Variants in HYI observed in about 807,000 individuals in gnomAD.
HYI encodes the protein putative hydroxypyruvate isomerase.
HYI carries 47 observed loss-of-function variants against 39.7 expected under a neutral mutation model. That is an observed-to-expected ratio of 1.18 (90% confidence interval 0.94 to 1.51). The LOEUF (loss-of-function observed/expected upper bound fraction) is 1.51. HYI is among the 40% of genes most tolerant of loss of function. The pLI is 0.00. For synonymous variants in HYI, 186 were observed against 158.8 expected (o/e 1.17, Z -1.29); for missense variants, 465 against 370.3 (o/e 1.26, Z -2.10).
chr1:43,452,345 T>G, intron 2 of HYI, 26 bp from the exon 3 acceptor site: 1 of 1,544,910 alleles, frequency 6.5e-7, no homozygotes, highest in South Asian at 1.1e-5. Context: ...ACTGGAGGCC[T>G]TGCCTCCCTT....
Position 43,453,926 on chromosome 1 carries a change from G to A in HYI, c.-133C>T, listed in dbSNP as rs928593677. 8.3e-7 allele frequency: 1 copy of A among 1,206,208 alleles called. No individual in the cohort carries two copies. The highest frequency in any genetic ancestry group is 1.0e-6 in the Non-Finnish European group (1 of 971,772). 74.7% of individuals were successfully genotyped at this position (1,206,208 alleles called of 1,614,324 possible). ...ACGAGCACTGTTCGTGGTTAGAAAAGCGAAGTGCTGTAAAAACCCGGGCCT... is the reference window on the plus strand; with the variant it reads ...ACGAGCACTGTTCGTGGTTAGAAAAACGAAGTGCTGTAAAAACCCGGGCCT... On this transcript the variant is annotated 5_prime_UTR_variant, in exon 1 of 8. Transcript: ENST00000372430.
Position 43,453,456 on chromosome 1 carries a change from C to T in HYI, c.241G>A (p.Gly81Arg). ...CCCTCTCGGAAGGCCGCCTGTCTCCCGGGGACGGCCCCCAGCCCCATTTCC... is the reference window on the plus strand; with the variant it reads ...CCCTCTCGGAAGGCCGCCTGTCTCCTGGGGACGGCCCCCAGCCCCATTTCC... ...KGEMGLGAVP[G>R]RQAAFREGLE... The change falls in exon 2 of 8, where the codon GGG becomes AGG. Residue 81 changes from glycine (G) to arginine (R), a missense_variant. Gly to Arg is a moderately radical substitution (Grantham distance 125). Coordinates refer to ENST00000372430, the MANE Select transcript of HYI (RefSeq NM_001190880.3). The T allele has an allele frequency of 1.3e-6, 2 of 1,563,658 alleles. No individual in the cohort carries two copies. The highest frequency in any genetic ancestry group is 1.7e-6 in the Non-Finnish European group (2 of 1,153,022).
At position 43,453,821 on chromosome 1, in the gene HYI, C is replaced by T; in HGVS notation, c.-28G>A. 8.1e-7 allele frequency: 1 copy of T among 1,236,380 alleles called. No individual in the cohort carries two copies. Among genetic ancestry groups the T allele is most frequent in the South Asian group, 3.6e-5 (1 of 27,894 alleles). The allele number at this position is 1,236,380 out of a possible 1,614,324, so 76.6% of individuals were successfully genotyped here. A position where few individuals can be genotyped will look rare whatever the true frequency, so the allele number is the denominator to read the frequency against. On this transcript the variant is annotated 5_prime_UTR_variant, in exon 1 of 8. Coordinates refer to ENST00000372430, the MANE Select transcript of HYI (RefSeq NM_001190880.3). ...CTGGGGAGGCCGGGCCGGGCGGAGT[C>T]CGCGGGATCCAAAGGCGGCGGGCGG...
In HYI at chr1:43,453,691, C is replaced by T; in HGVS notation, c.103G>A (p.Val35Ile). Reference protein sequence around the residue: ...RAAGSSGFEAVEVAWPYAETP... With the variant: ...RAAGSSGFEAIEVAWPYAETP... ...TCCGCGTACGGCCAGGCCACCTCGA[C>T]GGCCTCGAAGCCCGAGCTGCCCGCG... Residue 35 changes from valine to isoleucine, a missense_variant, in exon 1 of 8, where the codon GTC becomes ATC. Val to Ile is a conservative substitution (Grantham distance 29, BLOSUM62 3). Coordinates refer to ENST00000372430, the MANE Select transcript of HYI (RefSeq NM_001190880.3). 2 of 1,452,388 alleles carry T rather than the reference C, an allele frequency of 1.4e-6. No individual in the cohort carries two copies. The highest frequency in any genetic ancestry group is 2.7e-5 in the South Asian group (2 of 73,486). The allele number at this position is 1,452,388 out of a possible 1,614,324, so 90.0% of individuals were successfully genotyped here.
At chr1:43,452,664 G>A (rs1175480551) in intron 2 of HYI, 4 of 601,632 alleles carry the variant, frequency 6.6e-6, no homozygotes, top group Middle Eastern at 4.4e-4. Flanking sequence ...CCATGCTGCT[G>A]TCTCTACTTC....
chr1:43,451,828 C>T lies in HYI; in HGVS notation c.525G>A (p.Lys175=), dbSNP rs1443094341. Residue 175 remains lysine, a synonymous_variant, in exon 5 of 8, where the codon AAG becomes AAA. Coordinates refer to ENST00000372430, the MANE Select transcript of HYI (RefSeq NM_001190880.3). ...GTAATTGGAGGTTGGGTCTTCCTAC[C>T]TTCTGTAAGATGGCTGCCGCTGTAA... The part of the protein sequence containing the change: ...TPQQAAAILQ[K]VGRPNLQLQM... 5 of 1,613,924 alleles carry T rather than the reference C, an allele frequency of 3.1e-6. No homozygotes were observed. The East Asian group carries it at 6.7e-5, about 22-fold the overall frequency.
In HYI at chr1:43,453,755, T is replaced by C. The variant is rs764937328; in HGVS notation, c.39A>G (p.Leu13=). The change falls in exon 1 of 8, where the codon CTA becomes CTG. Residue 13 remains leucine (L), a synonymous_variant. Transcript: ENST00000372430. The part of the protein sequence containing the change: ...PLRFSANLSW[L]FPELSGLPAR... ...CGGGGAGGCCGGAGAGCTCGGGGAA[T>C]AGCCAGGACAGATTGGCGGAGAAGC... 98 of 1,320,626 alleles carry C rather than the reference T, an allele frequency of 7.4e-5. No homozygotes were observed. The highest frequency in any genetic ancestry group is 9.4e-5 in the Non-Finnish European group (98 of 1,041,362). 81.8% of individuals were successfully genotyped at this position (1,320,626 alleles called of 1,614,324 possible). A position where few individuals can be genotyped will look rare whatever the true frequency, so the allele number is the denominator to read the frequency against.
At chr1:43,452,153 T>G in intron 3 of HYI, 52 bp downstream of exon 3, 1 of 1,531,564 alleles carries the variant, frequency 6.5e-7, no homozygotes, top group Non-Finnish European at 9.0e-7. Context: ...CACCCCCTTC[T>G]CCGCACACCC....
Position 43,451,559 on chromosome 1 carries a change from G to A in HYI, c.626-15C>T, listed in dbSNP as rs1463632781. On this transcript the variant is annotated splice_polypyrimidine_tract_variant and intron_variant, in intron 6 of 7. Coordinates refer to ENST00000372430, the MANE Select transcript of HYI (RefSeq NM_001190880.3). Reference sequence around the variant, plus strand: ...CTGCACATGCCCTGGGGACAGATGTGGACAAATGTGGGGTCCAGGCTCCTG... The same window carrying A: ...CTGCACATGCCCTGGGGACAGATGTAGACAAATGTGGGGTCCAGGCTCCTG... The A allele has an allele frequency of 6.2e-7, 1 of 1,613,394 alleles. No individual in the cohort carries two copies.
Position 43,451,052 on chromosome 1 carries a change from C to G in HYI, c.*186G>C, listed in dbSNP as rs768227541. The G allele has an allele frequency of 1.3e-6, 1 of 791,420 alleles. No homozygotes were observed. Among genetic ancestry groups the G allele is most frequent in the Admixed American group, 1.7e-5 (1 of 58,560 alleles). 49.0% of individuals were successfully genotyped at this position (791,420 alleles called of 1,614,324 possible). ...GTGGGTTCAGAAGCTCTCCCATCTT[C>G]ACAGCAACCCTGGCACTGGCTTCTC... On this transcript the variant is annotated 3_prime_UTR_variant, in exon 8 of 8. Transcript: ENST00000372430.
Position 43,453,372 on chromosome 1 carries a change from G to C in HYI, c.311+14C>G. The stretch of plus-strand genomic sequence containing the variant: ...CATGGGTCACAGGGGTGGGGGTGGG[G>C]TGGAGCGGGGTACCTGGGACAGCCC... On this transcript the variant is annotated intron_variant, in intron 2 of 7. Coordinates refer to ENST00000372430, the MANE Select transcript of HYI (RefSeq NM_001190880.3). 6.6e-6 allele frequency: 10 copies of C among 1,512,606 alleles called. No homozygotes were observed. The highest frequency in any genetic ancestry group is 9.0e-6 in the Non-Finnish European group (10 of 1,114,908). 93.7% of individuals were successfully genotyped at this position (1,512,606 alleles called of 1,614,324 possible).
chr1:43,450,704 G>A (rs1313306056), downstream of HYI: 22 of 732,340 alleles, frequency 3.0e-5, no homozygotes, highest in East Asian at 2.5e-4. This position sits in a 1 kb window ranked among gnomAD's most constrained non-coding sequence, Gnocchi z 4.3. Context: ...CAGGACTCCA[G>A]AGAGTCAGGT....
Position 43,453,686 on chromosome 1 carries a change from C to T in HYI, c.108G>A (p.Glu36=), listed in dbSNP as rs1656716726. The part of the protein sequence containing the change: ...AAGSSGFEAV[E]VAWPYAETPE... ...GCGTCTCCGCGTACGGCCAGGCCAC[C>T]TCGACGGCCTCGAAGCCCGAGCTGC... The change falls in exon 1 of 8, where the codon GAG becomes GAA. Residue 36 remains glutamate, a synonymous_variant. Coordinates refer to ENST00000372430, the MANE Select transcript of HYI (RefSeq NM_001190880.3). The T allele has an allele frequency of 1.4e-6, 2 of 1,453,820 alleles. No homozygotes were observed. Among genetic ancestry groups the T allele is most frequent in the Non-Finnish European group, 1.8e-6 (2 of 1,112,888 alleles). The allele number at this position is 1,453,820 out of a possible 1,614,324, so 90.1% of individuals were successfully genotyped here. A position where few individuals can be genotyped will look rare whatever the true frequency, so the allele number is the denominator to read the frequency against.
chr1:43,453,342 AGG>A lies in HYI; in HGVS notation c.311+42_311+43del, dbSNP rs1656646061. On this transcript the variant is annotated intron_variant, in intron 2 of 7. Transcript: ENST00000372430. ...GTCCTCGACTCCCTGAACCTGCATC[AGG>A]GTCATGGGTCACAGGGGTGGGGGTG... The A allele has an allele frequency of 1.3e-5, 14 of 1,047,374 alleles. No individual in the cohort carries two copies. In the African/African-American group the frequency reaches 2.8e-4, roughly 21 times the overall value. The allele number at this position is 1,047,374 out of a possible 1,614,324, so 64.9% of individuals were successfully genotyped here. A position where few individuals can be genotyped will look rare whatever the true frequency, so the allele number is the denominator to read the frequency against.
chr1:43,453,558 C>G, intron 1 of HYI, 37 bp downstream of exon 1: 1 of 1,519,486 alleles, frequency 6.6e-7, no homozygotes, highest in South Asian at 1.3e-5. Context: ...GCCCCGGCAC[C>G]CCCCAGCCCT....
intron 2 of HYI, chr1:43,452,630 C>T (rs1179679033): frequency 3.4e-6 from 2 of 596,640 alleles, no homozygotes; most frequent in Non-Finnish European, 6.0e-6. Flanking sequence ...TTGTCCTGAC[C>T]TTTGCTTGCC....
rs1269906192 is a variant in HYI, at chr1:43,451,529, GC to G, written c.640del (p.Ala214HisfsTer15). 4 of 1,613,962 alleles carry G rather than the reference GC, an allele frequency of 2.5e-6. No homozygotes were observed. The highest frequency in any genetic ancestry group is 3.4e-6 in the Non-Finnish European group (4 of 1,180,010). On this transcript the variant is annotated frameshift_variant, in exon 7 of 8. Transcript: ENST00000372430. LOFTEE classifies it high-confidence loss of function. The stretch of plus-strand genomic sequence containing the variant: ...GGGCTCCCCTCGGCCTGGGACCTGT[GC>G]CACCTGCACATGCCCTGGGGACAGA... ...FLPIVGHVQV[A>X]QVPGRGEPSS...
At chr1:43,452,863 G>T in intron 2 of HYI, 1 of 1,564,384 alleles carries the variant, frequency 6.4e-7, no homozygotes, top group Non-Finnish European at 8.7e-7. Flanking sequence ...CCAGCTCCAA[G>T]CAGACATTCC....
In HYI at chr1:43,452,301, G is replaced by A. The variant is rs1472795992; in HGVS notation, c.330C>T (p.Gly110=). The A allele has an allele frequency of 6.2e-7, 1 of 1,613,720 alleles. No individual in the cohort carries two copies. The highest frequency in any genetic ancestry group is 1.3e-5 in the African/African-American group (1 of 74,920). The stretch of plus-strand genomic sequence containing the variant: ...TTCGATCAGCTCCCTGGGGTACTCG[G>A]CCAGCCATCAGGTGGATCCTGTGGG... ...LGCPRIHLMA[G]RVPQGADRIA... The change falls in exon 3 of 8, where the codon GGC becomes GGT. Residue 110 remains glycine, a synonymous_variant. Coordinates refer to ENST00000372430, the MANE Select transcript of HYI (RefSeq NM_001190880.3).
Sources: gnomAD v4.1 joint callset for allele counts on GRCh38, gnomAD v4.1.1 for gene constraint, Gnocchi (gnomAD v3.1) non-coding constraint, MANE v1.5 for transcripts, NCBI Gene and HGNC (gene_info 2026-07-23, HGNC 2026-07-21) for gene names.